The following NDUFA9 variants were observed in gnomAD, a reference collection of about 807,000 sequenced individuals.
NDUFA9 encodes NADH:ubiquinone oxidoreductase subunit A9.
Under a neutral mutation model 45.9 loss-of-function variants are expected in NDUFA9, and 23 were observed. The ratio of observed to expected loss-of-function variants is 0.50; its 90% confidence interval spans 0.36 to 0.71. The LOEUF (loss-of-function observed/expected upper bound fraction) is 0.71. Among genes scored for constraint, NDUFA9 ranks in the 30% least tolerant of loss-of-function variants. NDUFA9 has a pLI of 0.00. For missense variants in NDUFA9, 466 were observed against 488.2 expected, an observed-to-expected ratio of 0.95 and a Z score of 0.43; for synonymous variants, 176 against 170.5, an observed-to-expected ratio of 1.03 and a Z score of -0.25.
At chr12:4,673,662 G>T (rs1945901605) in intron 8 of NDUFA9, among the ~76,000 whole-genome samples, 1 of 152,152 alleles carries the variant, frequency 6.6e-6, no homozygotes, top group Non-Finnish European at 1.5e-5. Context: ...AAACTTCCAA[G>T]AAATATGGGC....
At chr12:4,680,969 A>AT (rs1945948813) in intron 8 of NDUFA9, among the ~76,000 whole-genome samples, 3 of 152,360 alleles carry the variant, frequency 2.0e-5, no homozygotes, top group African/African-American at 4.8e-5. Flanking sequence ...GTCCCATTAT[A>AT]TGTAAGGATA....
At chr12:4,686,081 G>T (rs12302355) in intron 10 of NDUFA9, among the ~76,000 whole-genome samples, 9 of 152,190 alleles carry the variant, frequency 5.9e-5, no homozygotes, top group African/African-American at 2.2e-4. Context: ...CAGGATCGCT[G>T]GTTGTCAGAC....
intron 3 of NDUFA9, 70 bp downstream of exon 3, chr12:4,654,992 CA>C (rs1555132858): frequency 3.9e-6 from 5 of 1,273,250 alleles, no homozygotes; most frequent in Non-Finnish European, 5.6e-6. Flanking sequence ...GAGTGATAGG[CA>C]GTATAATAAA....
chr12:4,660,690 A>G (rs549234844), intron 5 of NDUFA9, among the ~76,000 whole-genome samples: 1 of 152,310 alleles, frequency 6.6e-6, no homozygotes, highest in South Asian at 2.1e-4. Context: ...AGGAGAGTAC[A>G]GTGCTAGGGA....
At chr12:4,676,844 A>T (rs1035537984) in intron 8 of NDUFA9, among the ~76,000 whole-genome samples, 1 of 152,178 alleles carries the variant, frequency 6.6e-6, no homozygotes, top group Non-Finnish European at 1.5e-5. Context: ...CATAGCCAAG[A>T]CAATCCTAAG....
At chr12:4,662,453 C>T in intron 5 of NDUFA9, 80 bp from the exon 6 acceptor site, 1 of 1,031,704 alleles carries the variant, frequency 9.7e-7, no homozygotes, top group East Asian at 2.4e-5. Context: ...AAATACAAGT[C>T]ATGTCTTAAT....
intron 6 of NDUFA9, 36 bp from the exon 7 acceptor site, chr12:4,668,421 C>G (rs746985978): frequency 6.5e-7 from 1 of 1,529,052 alleles, no homozygotes; most frequent in African/African-American, 1.4e-5. Context: ...GCAATTTAAG[C>G]CTTCTCAGTA....
In NDUFA9 at chr12:4,693,412, TG is replaced by T. The variant is rs1399751445; in HGVS notation, c.*6307del. 2 of 152,238 alleles carry T rather than the reference TG, an allele frequency of 1.3e-5. No homozygotes were observed. Among genetic ancestry groups the T allele is most frequent in the African/African-American group, 4.8e-5 (2 of 41,452 alleles). 9.4% of individuals were successfully genotyped at this position (152,238 alleles called of 1,614,324 possible). A position where few individuals can be genotyped will look rare whatever the true frequency, so the allele number is the denominator to read the frequency against. On this transcript the variant is annotated 3_prime_UTR_variant, in exon 11 of 11. Coordinates refer to ENST00000266544, the MANE Select transcript of NDUFA9 (RefSeq NM_005002.5). Reference sequence around the variant, plus strand: ...TTAAATTTCCTCTCTGCCCCACAGCTGGGATCCAAGAAGACCCTGTGGCTGG... The same window carrying T: ...TTAAATTTCCTCTCTGCCCCACAGCTGGATCCAAGAAGACCCTGTGGCTGG...
At chr12:4,685,147 A>G in intron 9 of NDUFA9, 112 bp from the exon 10 acceptor site, 1 of 937,968 alleles carries the variant, frequency 1.1e-6, no homozygotes, top group Non-Finnish European at 1.7e-6. Flanking sequence ...AAAAAAAAAA[A>G]TCAGTTCAGA....
intron 8 of NDUFA9, among the ~76,000 whole-genome samples, chr12:4,679,431 A>G (rs1945939918): frequency 6.6e-6 from 1 of 152,234 alleles, no homozygotes; most frequent in African/African-American, 2.4e-5. Flanking sequence ...CATGGGTAAG[A>G]TTTCTGCCTT....
At chr12:4,677,392 AATCT>A (rs1591549133) in intron 8 of NDUFA9, among the ~76,000 whole-genome samples, 1 of 152,386 alleles carries the variant, frequency 6.6e-6, no homozygotes, top group East Asian at 1.9e-4. Context: ...AAATTTTTGC[AATCT>A]ATCCTTCTGA....
intron 1 of NDUFA9, chr12:4,653,756 G>T: frequency 3.0e-6 from 1 of 337,444 alleles, no homozygotes; most frequent in Non-Finnish European, 5.6e-6. Context: ...CTTCCGACCA[G>T]TATCATCAAC....
intron 2 of NDUFA9, 69 bp downstream of exon 2, chr12:4,654,531 G>A (rs942049578): frequency 1.6e-5 from 24 of 1,502,644 alleles, no homozygotes; most frequent in Non-Finnish European, 2.0e-5. Flanking sequence ...AGAAGCATGA[G>A]CTATGTTTCT....
chr12:4,674,008 A>G (rs908451241), intron 8 of NDUFA9, among the ~76,000 whole-genome samples: 2 of 152,230 alleles, frequency 1.3e-5, no homozygotes, highest in African/African-American at 4.8e-5. Context: ...AATGGGGGCC[A>G]ACATTCAACA....
At chr12:4,670,703 C>A (rs929193423) in intron 8 of NDUFA9, among the ~76,000 whole-genome samples, 2 of 152,174 alleles carry the variant, frequency 1.3e-5, no homozygotes, top group African/African-American at 4.8e-5. Flanking sequence ...TGTCAACTAG[C>A]AGCTGCAAAA....
At chr12:4,654,205 A>G (rs575343474) in intron 1 of NDUFA9, 87 bp from the exon 2 acceptor site, 4 of 1,311,226 alleles carry the variant, frequency 3.1e-6, no homozygotes, top group South Asian at 1.4e-5. Context: ...TAATGTTACA[A>G]GTTTTTAGAG....
intron 2 of NDUFA9, 146 bp downstream of exon 2, chr12:4,654,608 T>G (rs1464142473): frequency 9.2e-6 from 9 of 980,498 alleles, no homozygotes; most frequent in Non-Finnish European, 1.3e-5. Flanking sequence ...TGTTGTGACA[T>G]GAAGAGCACA....
Position 4,649,163 on chromosome 12 carries a change from C to A in NDUFA9, c.37C>A (p.Leu13Met). ...CGCACAATCCCGGGTTGTCCGGGTCCTGTCAATGTCACGTAAGTGTTACCG... is the reference window on the plus strand; with the variant it reads ...CGCACAATCCCGGGTTGTCCGGGTCATGTCAATGTCACGTAAGTGTTACCG... Reference protein sequence around the residue: ...AAAQSRVVRVLSMSRSAITAI... With the variant: ...AAAQSRVVRVMSMSRSAITAI... Residue 13 changes from leucine (L) to methionine (M), a missense_variant, in exon 1 of 11, where the codon CTG (leucine) becomes ATG (methionine). Leu to Met is a conservative substitution (Grantham distance 15). Transcript: ENST00000266544. 6.2e-7 allele frequency: 1 copy of A among 1,605,056 alleles called. No individual in the cohort carries two copies. The highest frequency in any genetic ancestry group is 2.2e-5 in the East Asian group (1 of 44,584).
At chr12:4,668,761 T>C (rs916218575) in intron 7 of NDUFA9, 9 of 499,348 alleles carry the variant, frequency 1.8e-5, no homozygotes, top group African/African-American at 1.5e-4. Flanking sequence ...ATGTCACATG[T>C]CACTAGGGAA....
Sources: gnomAD v4.1 joint callset for allele counts (sites outside exome capture counted in the v4.1 genomes callset) on GRCh38, gnomAD v4.1.1 for gene constraint, MANE v1.5 for transcripts, NCBI Gene and HGNC (gene_info 2026-07-23, HGNC 2026-07-21) for gene names.